Variants in AGTPBP1 observed in about 807,000 individuals in gnomAD.
AGTPBP1 encodes the protein ATP/GTP binding carboxypeptidase 1, also known as cytosolic carboxypeptidase 1.
AGTPBP1 carries 70 observed loss-of-function variants against 143.9 expected under a neutral mutation model. That is an observed-to-expected ratio of 0.49 (90% CI 0.40 to 0.59). The LOEUF (loss-of-function observed/expected upper bound fraction) is 0.59, where lower values mean the gene tolerates loss of function less well. Among genes scored for constraint, AGTPBP1 ranks in the 20% least tolerant of loss-of-function variants. The pLI is 0.00. For missense variants in AGTPBP1, 1,229 were observed against 1,464.5 expected (o/e 0.84, Z 2.62); for synonymous variants, 463 against 500.2 (o/e 0.93, Z 0.99).
At chr9:85,717,368 G>A (rs1837774136) in intron 1 of AGTPBP1, among the ~76,000 whole-genome samples, 1 of 152,132 alleles carries the variant, frequency 6.6e-6, no homozygotes, top group Admixed American at 6.5e-5. Flanking sequence ...TAGGTATGGT[G>A]GCATACACCC....
chr9:85,620,192 C>A (rs920676642), intron 15 of AGTPBP1, among the ~76,000 whole-genome samples: 3 of 151,992 alleles, frequency 2.0e-5, no homozygotes, highest in African/African-American at 7.2e-5. Context: ...GGTCAGATGA[C>A]CTGAGGTCAG....
intron 17 of AGTPBP1, among the ~76,000 whole-genome samples, chr9:85,606,691 A>G (rs1160957074): frequency 6.6e-6 from 1 of 151,968 alleles, no homozygotes; most frequent in African/African-American, 2.4e-5. Context: ...ATAGAAAATG[A>G]TATATATACA....
chr9:85,801,393 C>T, the AGTPBP1 span, among the ~76,000 whole-genome samples: 3 of 152,254 alleles, frequency 2.0e-5, no homozygotes, highest in East Asian at 5.8e-4. Flanking sequence ...CTGATACAGG[C>T]ATGCAATGTG....
At chr9:85,637,212 T>C in intron 13 of AGTPBP1, among the ~76,000 whole-genome samples, 1 of 151,944 alleles carries the variant, frequency 6.6e-6, no homozygotes, top group Non-Finnish European at 1.5e-5. Context: ...CAGCTAATTT[T>C]TTGTATTTTT....
intron 1 of AGTPBP1, among the ~76,000 whole-genome samples, chr9:85,735,467 C>T (rs1471737481): frequency 2.0e-5 from 3 of 152,064 alleles, no homozygotes; most frequent in Admixed American, 6.6e-5. Flanking sequence ...TGGTGGCTGC[C>T]GCACAACAAT....
At chr9:85,649,607 G>A (rs1224266766) in intron 11 of AGTPBP1, among the ~76,000 whole-genome samples, 2 of 151,938 alleles carry the variant, frequency 1.3e-5, no homozygotes, top group Non-Finnish European at 2.9e-5. Context: ...TCAAAACTAC[G>A]GTAAATAATA....
chr9:85,567,561 A>C (rs1355867746), intron 25 of AGTPBP1, among the ~76,000 whole-genome samples: 6 of 152,308 alleles, frequency 3.9e-5, no homozygotes, highest in Non-Finnish European at 8.8e-5. Context: ...CACTGTACTC[A>C]AGTATGGGTG....
At chr9:85,704,431 G>A (rs550547395) in intron 2 of AGTPBP1, among the ~76,000 whole-genome samples, 26 of 152,256 alleles carry the variant, frequency 1.7e-4, no homozygotes, top group African/African-American at 6.0e-4. Flanking sequence ...GTAATCACAG[G>A]ACAGGGAATT....
chr9:85,591,837 T>C (rs1828987291), intron 19 of AGTPBP1, among the ~76,000 whole-genome samples: 2 of 152,176 alleles, frequency 1.3e-5, no homozygotes, highest in South Asian at 4.1e-4. Flanking sequence ...ATTTCTTTAT[T>C]GGTAAATTGA....
In AGTPBP1 at chr9:85,546,695, C is replaced by T. The variant is rs1222280430; in HGVS notation, c.*414G>A. On this transcript the variant is annotated 3_prime_UTR_variant, in exon 26 of 26. Coordinates refer to ENST00000357081, the MANE Select transcript of AGTPBP1 (RefSeq NM_001330701.2). ...ATATCTACCCACTTCTAAACAAACA[C>T]ATCTATAGAAATCCATGTACATATA... 1 of 153,730 alleles carries T rather than the reference C, an allele frequency of 6.5e-6. No individual in the cohort carries two copies. The highest frequency in any genetic ancestry group is 1.4e-5 in the Non-Finnish European group (1 of 69,222). The allele number at this position is 153,730 out of a possible 1,614,324, so 9.5% of individuals were successfully genotyped here. A position where few individuals can be genotyped will look rare whatever the true frequency, so the allele number is the denominator to read the frequency against.
In AGTPBP1 at chr9:85,589,642, G is replaced by T. The variant is rs768959403; in HGVS notation, c.2608C>A (p.Gln870Lys). 3.1e-6 allele frequency: 5 copies of T among 1,612,866 alleles called. 1 individual carries two copies. The South Asian group carries it at 5.5e-5, about 18-fold the overall frequency. ...QKLESAHNPQ[Q>K]IYFRKDVLCE... ...AACACATCTTTCCGAAAATAGATTT[G>T]CTGAGGATTGTGTGCTGATTCCAAT... The change falls in exon 20 of 26, where the codon CAA (glutamine) becomes AAA (lysine). Residue 870 changes from glutamine (Q) to lysine (K), a missense_variant. Physicochemically the swap from Gln to Lys is moderately conservative, Grantham distance 53. Transcript: ENST00000357081.
At chr9:85,589,893 A>C (rs541338447) in intron 19 of AGTPBP1, among the ~76,000 whole-genome samples, 1 of 152,220 alleles carries the variant, frequency 6.6e-6, no homozygotes, top group Admixed American at 6.5e-5. Flanking sequence ...ATGCAGCACC[A>C]CCAATAGGGT....
At chr9:85,698,423 A>G (rs1464603937) in intron 2 of AGTPBP1, among the ~76,000 whole-genome samples, 1 of 152,184 alleles carries the variant, frequency 6.6e-6, no homozygotes, top group African/African-American at 2.4e-5. Flanking sequence ...ACAAAATTAT[A>G]TTCTAAGCCA....
At chr9:85,746,409 G>C (rs1258238058), upstream of AGTPBP1, among the ~76,000 whole-genome samples, 3 of 152,114 alleles carry the variant, frequency 2.0e-5, no homozygotes, top group African/African-American at 7.2e-5. Flanking sequence ...TATCATTGGA[G>C]CCAGGAGTTC....
intron 5 of AGTPBP1, 82 bp from the exon 6 acceptor site, chr9:85,677,664 A>C (rs192332208): frequency 8.5e-7 from 1 of 1,183,268 alleles, no homozygotes; most frequent in East Asian, 2.8e-5. Context: ...AGGTATCATA[A>C]CTTGTTAGCA....
At chr9:85,726,236 A>AAAAAAAC (rs963289606) in intron 1 of AGTPBP1, among the ~76,000 whole-genome samples, 1 of 151,442 alleles carries the variant, frequency 6.6e-6, no homozygotes, top group Non-Finnish European at 1.5e-5. Context: ...TCTCAAAAAA[A>AAAAAAAC]AAAAAACAAA....
chr9:85,707,912 C>T (rs1231737442), intron 2 of AGTPBP1, among the ~76,000 whole-genome samples: 1 of 83,522 alleles, frequency 1.2e-5, no homozygotes, highest in East Asian at 3.3e-4. Context: ...GAGGCCTGTT[C>T]GGGGGTGGGG....
At chr9:85,674,418 A>T (rs987682779) in intron 6 of AGTPBP1, among the ~76,000 whole-genome samples, 4 of 152,098 alleles carry the variant, frequency 2.6e-5, no homozygotes, top group Admixed American at 2.6e-4. Context: ...TTTAAAATCA[A>T]TATCTTAATT....
At chr9:85,703,027 C>A (rs767553281) in intron 2 of AGTPBP1, among the ~76,000 whole-genome samples, 2 of 152,142 alleles carry the variant, frequency 1.3e-5, no homozygotes, top group Non-Finnish European at 2.9e-5. Flanking sequence ...TTTGCTGGAG[C>A]TTTCTGAGAT....
Sources: allele counts gnomAD v4.1 joint callset (sites outside exome capture counted in the v4.1 genomes callset), GRCh38; gene constraint gnomAD v4.1.1; transcripts MANE v1.5; gene names NCBI Gene and HGNC (gene_info 2026-07-23, HGNC 2026-07-21).